The following GNAQ variants were observed in gnomAD, a reference collection of about 807,000 sequenced individuals.
GNAQ encodes the protein guanine nucleotide-binding protein G(q) subunit alpha.
GNAQ carries 8 observed loss-of-function variants against 43.9 expected under a neutral mutation model. The observed-to-expected ratio is 0.18, with a 90% CI of 0.11 to 0.33. GNAQ has a LOEUF of 0.33. Among genes scored for constraint, GNAQ ranks in the 10% least tolerant of loss-of-function variants. GNAQ has a pLI of 1.00. For synonymous variants in GNAQ, 155 were observed against 170.7 expected (o/e 0.91, Z 0.71); for missense variants, 158 against 450.8 (o/e 0.35, Z 5.88).
chr9:77,748,242 C>A (rs1184018569), intron 5 of GNAQ, among the ~76,000 whole-genome samples: 1 of 152,208 alleles, frequency 6.6e-6, no homozygotes, highest in African/African-American at 2.4e-5. Context: ...AAATCTACAT[C>A]TCATTTCTCT....
At chr9:78,005,917 T>C (rs1321870854) in intron 1 of GNAQ, among the ~76,000 whole-genome samples, 1 of 152,206 alleles carries the variant, frequency 6.6e-6, no homozygotes, top group East Asian at 1.9e-4. Flanking sequence ...TGGGATGAAG[T>C]CTGGAAGAAA....
Position 77,720,161 on chromosome 9 carries a change from G to A in GNAQ, c.*1162C>T, listed in dbSNP as rs1825288552. 4.3e-6 allele frequency: 1 copy of A among 233,168 alleles called. No individual in the cohort carries two copies. Among genetic ancestry groups the A allele is most frequent in the South Asian group, 1.8e-4 (1 of 5,518 alleles). The allele number at this position is 233,168 out of a possible 1,614,324, so 14.4% of individuals were successfully genotyped here. On this transcript the variant is annotated 3_prime_UTR_variant, in exon 7 of 7. Coordinates refer to ENST00000286548, the MANE Select transcript of GNAQ (RefSeq NM_002072.5). ...TTAAGGACAAAGAAAAGAATGGACCGTGAGAATCAAATTTCTAGTTACAAC... is the reference window on the plus strand; with the variant it reads ...TTAAGGACAAAGAAAAGAATGGACCATGAGAATCAAATTTCTAGTTACAAC...
chr9:77,937,513 C>CA (rs1389023567), intron 1 of GNAQ, among the ~76,000 whole-genome samples: 4 of 152,214 alleles, frequency 2.6e-5, no homozygotes, highest in African/African-American at 9.6e-5. Context: ...CAAGCATCAT[C>CA]ACAATCCATT....
intron 2 of GNAQ, among the ~76,000 whole-genome samples, chr9:77,892,242 G>A (rs1423253237): frequency 2.0e-5 from 3 of 152,056 alleles, no homozygotes; most frequent in African/African-American, 7.2e-5. Context: ...TCTTCATGGG[G>A]CTTTCCAGCC....
At chr9:77,977,891 T>C (rs1287793313) in intron 1 of GNAQ, among the ~76,000 whole-genome samples, 2 of 152,150 alleles carry the variant, frequency 1.3e-5, no homozygotes, top group African/African-American at 4.8e-5. Context: ...CTTAACCCCC[T>C]TGTCCTGATT....
chr9:77,863,216 A>AAGGGAGGAAGGAAGGGAGGG (rs1827887926), intron 2 of GNAQ, among the ~76,000 whole-genome samples: 1 of 148,976 alleles, frequency 6.7e-6, no homozygotes, highest in African/African-American at 2.5e-5. Flanking sequence ...GGAAGGAAGG[A>AAGGGAGGAAGGAAGGGAGGG]AGGGAGGAAG....
At chr9:77,958,963 T>G (rs1377148706) in intron 1 of GNAQ, among the ~76,000 whole-genome samples, 3 of 152,190 alleles carry the variant, frequency 2.0e-5, no homozygotes, top group Non-Finnish European at 4.4e-5. Context: ...TACTTAGTAC[T>G]AAGACAATTC....
chr9:77,829,193 C>T (rs556866819), intron 2 of GNAQ, among the ~76,000 whole-genome samples: 1 of 152,320 alleles, frequency 6.6e-6, no homozygotes, highest in South Asian at 2.1e-4. Context: ...ATATAAGAAA[C>T]ACCTTAGAGT....
At position 77,860,763 on chromosome 9, in the gene GNAQ, A is replaced by G. The variant is rs2117972061; in HGVS notation, c.322-44993T>C. Among the ~76,000 whole-genome samples, 2 of 152,216 alleles carry G rather than the reference A, an allele frequency of 1.3e-5. 1 individual carries two copies. The highest frequency in any genetic ancestry group is 6.8e-3 in the Middle Eastern group (2 of 294). ...CAGTCCCCACAGGACTGGAAGGCAG[A>G]GCATTTATTTCCCTGGCTCTTCCGT... is the stretch of plus-strand genomic sequence containing the variant. On this transcript the variant is annotated intron_variant, in intron 2 of 6. Coordinates refer to ENST00000286548, the MANE Select transcript of GNAQ (RefSeq NM_002072.5).
intron 3 of GNAQ, among the ~76,000 whole-genome samples, chr9:77,805,967 T>C (rs1564116046): frequency 6.6e-6 from 1 of 152,184 alleles, no homozygotes; most frequent in Non-Finnish European, 1.5e-5. Flanking sequence ...CTTATGAATC[T>C]GAAAGTCTGA....
chr9:77,721,806 G>A (rs1457119136), intron 6 of GNAQ, among the ~76,000 whole-genome samples: 2 of 152,166 alleles, frequency 1.3e-5, no homozygotes, highest in Non-Finnish European at 1.5e-5. Flanking sequence ...GTGATTGGGA[G>A]CCACTGTAGG....
intron 2 of GNAQ, among the ~76,000 whole-genome samples, chr9:77,913,801 T>C (rs1828848679): frequency 6.6e-6 from 1 of 152,218 alleles, no homozygotes; most frequent in African/African-American, 2.4e-5. Flanking sequence ...ATGGTTATAT[T>C]GACCCAGATC....
At chr9:78,007,689 C>T (rs1823724270) in intron 1 of GNAQ, among the ~76,000 whole-genome samples, 1 of 152,220 alleles carries the variant, frequency 6.6e-6, no homozygotes, top group African/African-American at 2.4e-5. Flanking sequence ...ACAACAAAGG[C>T]AGCTCTCTTA....
chr9:78,002,597 G>C (rs1310896321), intron 1 of GNAQ, among the ~76,000 whole-genome samples: 1 of 152,164 alleles, frequency 6.6e-6, no homozygotes, highest in African/African-American at 2.4e-5. Flanking sequence ...CTAGAAAACT[G>C]TACATTCTCT....
chr9:77,921,057 C>T (rs1391366534), intron 2 of GNAQ, among the ~76,000 whole-genome samples: 1 of 152,094 alleles, frequency 6.6e-6, no homozygotes, highest in Non-Finnish European at 1.5e-5. Context: ...ATCAAAAGTA[C>T]TGAGAGAATG....
At chr9:77,743,462 G>A (rs1164328780) in intron 5 of GNAQ, among the ~76,000 whole-genome samples, 1 of 152,090 alleles carries the variant, frequency 6.6e-6, no homozygotes, top group Non-Finnish European at 1.5e-5. Flanking sequence ...ATTTAAATAA[G>A]GATTAAGGGA....
intron 5 of GNAQ, among the ~76,000 whole-genome samples, chr9:77,773,421 G>A (rs914593678): frequency 1.3e-5 from 2 of 152,196 alleles, no homozygotes; most frequent in African/African-American, 2.4e-5. Context: ...AAGTTTGTAT[G>A]TTATCTATTT....
intron 1 of GNAQ, among the ~76,000 whole-genome samples, chr9:78,012,759 T>A (rs951814537): frequency 2.6e-5 from 4 of 152,144 alleles, no homozygotes; most frequent in Admixed American, 1.3e-4. Flanking sequence ...GAAAACAGAA[T>A]AAGTGATAAA....
rs775253379 is a variant in GNAQ at position 77,794,496 on chromosome 9, T to C, written c.702A>G (p.Glu234=). The C allele has an allele frequency of 1.2e-6, 2 of 1,603,360 alleles. No homozygotes were observed. Among genetic ancestry groups the C allele is most frequent in the Non-Finnish European group, 1.7e-6 (2 of 1,171,778 alleles). Reference sequence around the variant, plus strand: ...CTGACTCCACGAGAACTTGATCATATTCACTAAGCGCTACTAGAAACATGA... The same window carrying C: ...CTGACTCCACGAGAACTTGATCATACTCACTAAGCGCTACTAGAAACATGA... The part of the protein sequence containing the change: ...TSIMFLVALS[E]YDQVLVESDN... Residue 234 remains glutamate (E), a synonymous_variant, in exon 5 of 7, where the codon GAA becomes GAG. Coordinates refer to ENST00000286548, the MANE Select transcript of GNAQ (RefSeq NM_002072.5).
Sources: gnomAD v4.1 joint callset for allele counts (sites outside exome capture counted in the v4.1 genomes callset) on GRCh38, gnomAD v4.1.1 for gene constraint, MANE v1.5 for transcripts, NCBI Gene and HGNC (gene_info 2026-07-23, HGNC 2026-07-21) for gene names.